The following POU2F1 variants were observed in gnomAD, a reference collection of about 807,000 sequenced individuals.
POU2F1 encodes POU domain, class 2, transcription factor 1.
Under a neutral mutation model 84.9 loss-of-function variants are expected in POU2F1, and 16 were observed. The ratio of observed to expected loss-of-function variants is 0.19; its 90% CI spans 0.13 to 0.29. The LOEUF (loss-of-function observed/expected upper bound fraction) is 0.29. POU2F1 is among the 10% of genes least tolerant of loss of function. The pLI is 1.00. For synonymous variants in POU2F1, 368 were observed against 368.3 expected (o/e 1.00, Z 0.01); for missense variants, 738 against 942.6 (o/e 0.78, Z 2.84).
chr1:167,284,847 T>C (rs1216748425), intron 1 of POU2F1, among the ~76,000 whole-genome samples: 1 of 152,242 alleles, frequency 6.6e-6, no homozygotes, highest in Non-Finnish European at 1.5e-5. Context: ...ATTCTGTTAG[T>C]GCCTTTCACA....
intron 1 of POU2F1, among the ~76,000 whole-genome samples, chr1:167,273,528 A>AC (rs1156389973): frequency 6.6e-6 from 1 of 152,176 alleles, no homozygotes; most frequent in Non-Finnish European, 1.5e-5. Context: ...CCCTCTGTGC[A>AC]CCCGCAGGCT....
intron 8 of POU2F1, among the ~76,000 whole-genome samples, chr1:167,387,735 A>G (rs1648087809): frequency 6.6e-6 from 1 of 152,220 alleles, no homozygotes; most frequent in African/African-American, 2.4e-5. Flanking sequence ...AGATGCAGTC[A>G]GGCAGTGCCT....
At chr1:167,267,394 GA>G (rs10718415) in intron 1 of POU2F1, among the ~76,000 whole-genome samples, 20,453 of 150,458 alleles carry the variant, frequency 0.14, 2,789 homozygotes, top group African/African-American at 0.36. Context: ...TTACAATCAG[GA>G]AAAAAAAACT....
At chr1:167,387,123 G>A in intron 8 of POU2F1, 1 of 455,818 alleles carries the variant, frequency 2.2e-6, no homozygotes, top group South Asian at 1.5e-5. Context: ...TATGGTGGCA[G>A]GGCCGTTGTG....
chr1:167,295,509 G>A (rs1654233413), intron 1 of POU2F1, among the ~76,000 whole-genome samples: 1 of 152,148 alleles, frequency 6.6e-6, no homozygotes, highest in African/African-American at 2.4e-5. Context: ...TGATATAATA[G>A]ACATAGGAGA....
chr1:167,391,987 G>C (rs539599276), intron 9 of POU2F1, among the ~76,000 whole-genome samples: 2 of 152,254 alleles, frequency 1.3e-5, no homozygotes, highest in South Asian at 4.1e-4. Flanking sequence ...AGTTTGACTT[G>C]TGAAGAAGCA....
intron 1 of POU2F1, among the ~76,000 whole-genome samples, chr1:167,270,731 TGTTATCCTG>T (rs1262755518): frequency 6.6e-6 from 1 of 152,234 alleles, no homozygotes; most frequent in African/African-American, 2.4e-5. Flanking sequence ...TTGCTGTTAC[TGTTATCCTG>T]AATTTACTGG....
At position 167,420,076 on chromosome 1, in the gene POU2F1, A is replaced by G. The variant is rs1650550599; in HGVS notation, c.*4266A>G. On this transcript the variant is annotated 3_prime_UTR_variant, in exon 16 of 16. Transcript: ENST00000367866. ...AGCACAGATATTTGCTTGACACAAT[A>G]TTTAAATTCAGCCCAATCTTTAACA... is the stretch of plus-strand genomic sequence containing the variant. 1 of 152,074 alleles carries G rather than the reference A, an allele frequency of 6.6e-6. No homozygotes were observed. The allele number at this position is 152,074 out of a possible 1,614,324, so 9.4% of individuals were successfully genotyped here.
At chr1:167,265,983 G>T (rs1571195042) in intron 1 of POU2F1, among the ~76,000 whole-genome samples, 1 of 152,342 alleles carries the variant, frequency 6.6e-6, no homozygotes, top group East Asian at 1.9e-4. Context: ...TCTACAACTT[G>T]TTGTGTATAC....
intron 1 of POU2F1, chr1:167,329,450 A>T: frequency 1.1e-6 from 1 of 904,364 alleles, no homozygotes; most frequent in Non-Finnish European, 1.6e-6. Flanking sequence ...GGAGGAAAGC[A>T]TTTGCAAAGC....
At chr1:167,298,953 C>T (rs1350889568) in intron 1 of POU2F1, among the ~76,000 whole-genome samples, 2 of 151,944 alleles carry the variant, frequency 1.3e-5, no homozygotes, top group Non-Finnish European at 2.9e-5. Context: ...CACCTGAGGT[C>T]GGGAGTTCGA....
intron 1 of POU2F1, among the ~76,000 whole-genome samples, chr1:167,290,811 G>A (rs182869173): frequency 6.6e-6 from 1 of 152,186 alleles, no homozygotes; most frequent in Non-Finnish European, 1.5e-5. Context: ...GAAGTGAAGG[G>A]GGGAGGATCA....
chr1:167,319,711 T>G (rs965083117), intron 1 of POU2F1, among the ~76,000 whole-genome samples: 3 of 151,884 alleles, frequency 2.0e-5, no homozygotes, highest in African/African-American at 7.3e-5. Flanking sequence ...CTGATTGGCA[T>G]GTAGCCCAGA....
At chr1:167,389,487 G>A (rs553896209) in intron 8 of POU2F1, 101 bp from the exon 9 acceptor site, 47 of 1,279,118 alleles carry the variant, frequency 3.7e-5, no homozygotes, top group Admixed American at 1.4e-4. Context: ...GGTCTTCATC[G>A]TTATCCATAA....
chr1:167,258,664 T>C (rs1651325147), intron 1 of POU2F1, among the ~76,000 whole-genome samples: 1 of 152,192 alleles, frequency 6.6e-6, no homozygotes, highest in Non-Finnish European at 1.5e-5. Context: ...TTTCAGGCTT[T>C]GTAGGCCAAG....
chr1:167,223,742 CTG>C (rs1334260546), intron 1 of POU2F1, among the ~76,000 whole-genome samples: 2 of 152,042 alleles, frequency 1.3e-5, no homozygotes, highest in East Asian at 3.9e-4. Context: ...AAAAAAAAAT[CTG>C]TAGCTTTTAA....
intron 1 of POU2F1, among the ~76,000 whole-genome samples, chr1:167,259,958 A>G (rs1651430660): frequency 6.6e-6 from 1 of 151,664 alleles, no homozygotes; most frequent in Non-Finnish European, 1.5e-5. Flanking sequence ...AGCTCACTGC[A>G]AGCTTCGCCT....
intron 5 of POU2F1, 74 bp downstream of exon 5, chr1:167,372,110 A>C: frequency 6.5e-7 from 1 of 1,531,352 alleles, no homozygotes; most frequent in Non-Finnish European, 8.8e-7. Context: ...GCTGATTAGA[A>C]TTGTTCACCA....
chr1:167,308,070 C>CTT (rs1231393962), intron 1 of POU2F1, among the ~76,000 whole-genome samples: 1 of 138,218 alleles, frequency 7.2e-6, no homozygotes. Context: ...TTATTTGTTT[C>CTT]TTTTTTTTTT....
Sources: gnomAD v4.1 joint callset for allele counts (sites outside exome capture counted in the v4.1 genomes callset) on GRCh38, gnomAD v4.1.1 for gene constraint, MANE v1.5 for transcripts, NCBI Gene and HGNC (gene_info 2026-07-23, HGNC 2026-07-21) for gene names.